Variants in ARHGEF16 observed in about 807,000 individuals in gnomAD.
ARHGEF16 encodes Rho guanine exchange factor (GEF) 16.
In ARHGEF16, 59 loss-of-function variants were observed where a neutral mutation model predicts 74.1. That is an observed-to-expected ratio of 0.80 (90% confidence interval 0.65 to 0.99). The LOEUF (loss-of-function observed/expected upper bound fraction) is 0.99, where lower values mean the gene tolerates loss of function less well. Ranked by LOEUF, ARHGEF16 falls within the 50% of genes least tolerant of loss-of-function variation. ARHGEF16 has a pLI of 0.00. For synonymous variants in ARHGEF16, 415 were observed against 412.6 expected (o/e 1.01, Z -0.07); for missense variants, 948 against 986.6 (o/e 0.96, Z 0.52).
intron 2 of ARHGEF16, among the ~76,000 whole-genome samples, chr1:3,464,113 C>T (rs1045997361): frequency 2.6e-5 from 4 of 151,530 alleles, no homozygotes; most frequent in African/African-American, 4.8e-5. Context: ...GGCAGCTGTG[C>T]GGTGGCCTGG....
At chr1:3,476,766 CCA>C (rs1395403824) in intron 10 of ARHGEF16, among the ~76,000 whole-genome samples, 5 of 152,192 alleles carry the variant, frequency 3.3e-5, no homozygotes, top group Non-Finnish European at 5.9e-5. Flanking sequence ...TGACAGGCCA[CCA>C]GCCACCCTCA....
chr1:3,468,852 G>A (rs377428346), intron 4 of ARHGEF16, 28 bp from the exon 5 acceptor site: 6 of 1,549,866 alleles, frequency 3.9e-6, no homozygotes, highest in Admixed American at 2.0e-5. Flanking sequence ...ACGTGTGACC[G>A]AGAGCTCCTG....
chr1:3,479,661 A>G (rs1569885862), intron 13 of ARHGEF16, 71 bp downstream of exon 13: 2 of 1,581,184 alleles, frequency 1.3e-6, no homozygotes, highest in East Asian at 4.6e-5. Flanking sequence ...ACTGTAGCCC[A>G]AGTGAGCCTG....
intron 10 of ARHGEF16, among the ~76,000 whole-genome samples, chr1:3,476,317 C>T (rs1289517620): frequency 3.3e-5 from 5 of 152,198 alleles, no homozygotes; most frequent in Non-Finnish European, 5.9e-5. Flanking sequence ...GCCCCATCCC[C>T]AGGACTGCAC....
At chr1:3,473,820 C>T (rs930538478) in intron 8 of ARHGEF16, 4 of 459,434 alleles carry the variant, frequency 8.7e-6, no homozygotes, top group African/African-American at 6.0e-5. Flanking sequence ...TCACCCAGAG[C>T]CCTGCTGAGC....
At chr1:3,469,222 C>T (rs1639635666) in intron 5 of ARHGEF16, among the ~76,000 whole-genome samples, 1 of 152,198 alleles carries the variant, frequency 6.6e-6, no homozygotes, top group South Asian at 2.1e-4. Context: ...CTTCAGCCGG[C>T]TCATAAGGCA....
chr1:3,472,812 A>T, intron 6 of ARHGEF16: 2 of 462,636 alleles, frequency 4.3e-6, no homozygotes, highest in Non-Finnish European at 7.7e-6. Flanking sequence ...CAACAGAGGG[A>T]CGGCACCAGT....
At chr1:3,480,383 G>A in intron 14 of ARHGEF16, 65 bp from the exon 15 acceptor site, 2 of 1,595,152 alleles carry the variant, frequency 1.3e-6, no homozygotes, top group Non-Finnish European at 1.7e-6. Context: ...AGGCATAGCA[G>A]CTCAGAGGGG....
intron 8 of ARHGEF16, 130 bp downstream of exon 8, chr1:3,473,652 T>C: frequency 6.9e-7 from 1 of 1,445,566 alleles, no homozygotes; most frequent in Non-Finnish European, 9.4e-7. Flanking sequence ...ATTGTAATAG[T>C]TACGATCCTA....
chr1:3,466,121 C>T (rs576646487), intron 2 of ARHGEF16, 27 bp from the exon 3 acceptor site: 112 of 1,547,968 alleles, frequency 7.2e-5, no homozygotes, highest in Admixed American at 6.4e-4. Context: ...CTGACAGCTG[C>T]GGTTTCTGTG....
chr1:3,458,460 C>T (rs1025808100), intron 1 of ARHGEF16, among the ~76,000 whole-genome samples: 2 of 152,184 alleles, frequency 1.3e-5, no homozygotes, highest in East Asian at 1.9e-4. Context: ...CACCAGGAGC[C>T]GACCAGCATC....
intron 10 of ARHGEF16, among the ~76,000 whole-genome samples, chr1:3,477,667 G>T (rs1308014509): frequency 6.6e-6 from 1 of 151,948 alleles, no homozygotes; most frequent in East Asian, 2.0e-4. Context: ...GTCCGGCCTG[G>T]CGCACCTCGA....
chr1:3,474,643 G>T, intron 8 of ARHGEF16, 65 bp from the exon 9 acceptor site: 1 of 1,491,410 alleles, frequency 6.7e-7, no homozygotes, highest in Non-Finnish European at 9.3e-7. Flanking sequence ...GTCTGGCGTT[G>T]GTGGGAGCCT....
At position 3,480,987 on chromosome 1, in the gene ARHGEF16, GAC is replaced by G. The variant is rs1296197355; in HGVS notation, c.*402_*403del. ...CTATGCCCTTCCTACCCCTGAGTGG[GAC>G]AAGAAGGGCCCTGAGTGCCCAGGAG... On this transcript the variant is annotated 3_prime_UTR_variant, in exon 15 of 15. Transcript: ENST00000378378. 3 of 195,306 alleles carry G rather than the reference GAC, an allele frequency of 1.5e-5. No individual in the cohort carries two copies. The highest frequency in any genetic ancestry group is 7.0e-5 in the African/African-American group (3 of 42,924). 12.1% of individuals were successfully genotyped at this position (195,306 alleles called of 1,614,324 possible). A position where few individuals can be genotyped will look rare whatever the true frequency, so the allele number is the denominator to read the frequency against.
chr1:3,480,023 C>A, intron 14 of ARHGEF16, 110 bp downstream of exon 14: 1 of 1,047,686 alleles, frequency 9.5e-7, no homozygotes, highest in Non-Finnish European at 1.4e-6. Flanking sequence ...TGACCATGTG[C>A]TCACCCTCTC....
chr1:3,456,479 A>G (rs1263896009), intron 1 of ARHGEF16, among the ~76,000 whole-genome samples: 1 of 152,202 alleles, frequency 6.6e-6, no homozygotes, highest in African/African-American at 2.4e-5. Flanking sequence ...TCCCTGGCTG[A>G]GGCCAGAACC....
intron 9 of ARHGEF16, 52 bp downstream of exon 9, chr1:3,474,834 T>TGGCCC: frequency 4.6e-6 from 7 of 1,527,922 alleles, no homozygotes; most frequent in East Asian, 2.4e-5. Flanking sequence ...CCCGACCCTG[T>TGGCCC]CCCCACCCAA....
At chr1:3,459,574 G>A (rs537095755) in intron 1 of ARHGEF16, among the ~76,000 whole-genome samples, 1 of 152,284 alleles carries the variant, frequency 6.6e-6, no homozygotes, top group African/African-American at 2.4e-5. Flanking sequence ...CCTGGGATCC[G>A]CCCAGGGTGA....
rs894088724 is a variant in ARHGEF16, at chr1:3,467,297, G to A, written c.764G>A (p.Ser255Asn). ...QKVDATIVVK[S>N]YRPAQVTWSQ... ...GTGGACGCCACCATTGTGGTCAAGAGCTACCGGCCCGCCCAGGTCACCTGG... is the reference window on the plus strand; with the variant it reads ...GTGGACGCCACCATTGTGGTCAAGAACTACCGGCCCGCCCAGGTCACCTGG... Residue 255 changes from serine (S) to asparagine (N), a missense_variant, in exon 4 of 15, where the codon AGC becomes AAC. Coordinates refer to ENST00000378378, the MANE Select transcript of ARHGEF16 (RefSeq NM_014448.4). The A allele has an allele frequency of 6.5e-7, 1 of 1,550,250 alleles. No individual in the cohort carries two copies. Among genetic ancestry groups the A allele is most frequent in the African/African-American group, 1.4e-5 (1 of 73,162 alleles).
Sources: gnomAD v4.1 joint callset for allele counts (sites outside exome capture counted in the v4.1 genomes callset) on GRCh38, gnomAD v4.1.1 for gene constraint, MANE v1.5 for transcripts, NCBI Gene and HGNC (gene_info 2026-07-23, HGNC 2026-07-21) for gene names.